The following SNX31 variants were observed in gnomAD, a reference collection of about 807,000 sequenced individuals.
SNX31 encodes sorting nexin 31.
A neutral mutation model predicts 65.4 loss-of-function variants in SNX31; 58 were observed. The observed-to-expected ratio is 0.89, with a 90% CI of 0.72 to 1.10. SNX31 has a LOEUF of 1.10. Ranked by LOEUF, SNX31 falls within the 50% of genes least tolerant of loss-of-function variation. The pLI, the probability that SNX31 is intolerant of heterozygous loss-of-function variation, is 0.00. For missense variants in SNX31, 523 were observed against 529.7 expected, an observed-to-expected ratio of 0.99 and a Z score of 0.12; for synonymous variants, 181 against 190.1, an observed-to-expected ratio of 0.95 and a Z score of 0.39.
intron 4 of SNX31, among the ~76,000 whole-genome samples, chr8:100,628,153 T>A (rs1357868477): frequency 1.3e-5 from 2 of 152,184 alleles, no homozygotes; most frequent in African/African-American, 4.8e-5. Context: ...GACTGTAAAC[T>A]AGTTCAACCA....
intron 7 of SNX31, among the ~76,000 whole-genome samples, chr8:100,611,147 G>A (rs959253799): frequency 6.6e-6 from 1 of 152,164 alleles, no homozygotes. Flanking sequence ...ACATCCTTTA[G>A]GCATGTGTAA....
chr8:100,637,503 T>G (rs1185936595), intron 2 of SNX31, among the ~76,000 whole-genome samples: 4 of 152,190 alleles, frequency 2.6e-5, no homozygotes, highest in African/African-American at 9.6e-5. Context: ...TTACCTTGCA[T>G]AGACAGGCCC....
chr8:100,584,034 G>T, intron 12 of SNX31, 77 bp downstream of exon 12: 2 of 1,320,518 alleles, frequency 1.5e-6, no homozygotes, highest in Non-Finnish European at 2.1e-6. Context: ...GGGAGCTCAT[G>T]AGTGTAGTTT....
At chr8:100,646,189 A>C (rs1819624726) in intron 2 of SNX31, among the ~76,000 whole-genome samples, 1 of 152,206 alleles carries the variant, frequency 6.6e-6, no homozygotes, top group Admixed American at 6.5e-5. Context: ...CATGCGCGGG[A>C]GTCTTACAAA....
At chr8:100,585,109 T>A (rs1813923082) in intron 11 of SNX31, among the ~76,000 whole-genome samples, 1 of 152,212 alleles carries the variant, frequency 6.6e-6, no homozygotes, top group African/African-American at 2.4e-5. Context: ...AAATCATCAT[T>A]AGTGCCAAGA....
At chr8:100,621,132 A>C (rs979908293) in intron 4 of SNX31, among the ~76,000 whole-genome samples, 10 of 152,150 alleles carry the variant, frequency 6.6e-5, no homozygotes, top group African/African-American at 2.4e-4. Context: ...CGACAGAGCA[A>C]GACTCCATCT....
rs1292347177 is a variant in SNX31, at chr8:100,649,557, C to A, written c.-43G>T. On this transcript the variant is annotated 5_prime_UTR_variant, in exon 1 of 14. Coordinates refer to ENST00000311812, the MANE Select transcript of SNX31 (RefSeq NM_152628.4). ...GGAGTAGCGCTGGGAACCCGACCTG[C>A]GGCGGCGGGCGGTGCGCGGCTCTGA... 4 of 1,531,426 alleles carry A rather than the reference C, an allele frequency of 2.6e-6. No homozygotes were observed. Among genetic ancestry groups the A allele is most frequent in the Non-Finnish European group, 2.7e-6 (3 of 1,131,768 alleles). The allele number at this position is 1,531,426 out of a possible 1,614,324, so 94.9% of individuals were successfully genotyped here. A position where few individuals can be genotyped will look rare whatever the true frequency, so the allele number is the denominator to read the frequency against.
chr8:100,581,319 C>CTATATATATATATATATATATATA (rs1261112864), intron 12 of SNX31, among the ~76,000 whole-genome samples: 5 of 123,072 alleles, frequency 4.1e-5, no homozygotes, highest in African/African-American at 2.0e-4. Flanking sequence ...TTTTATATAT[C>CTATATATATATATATATATATATA]TATATCTATC....
chr8:100,639,147 G>A (rs1818980614), intron 2 of SNX31, among the ~76,000 whole-genome samples: 3 of 152,200 alleles, frequency 2.0e-5, no homozygotes, highest in Non-Finnish European at 1.5e-5. Context: ...CTATGCATTA[G>A]TCAAAATTAC....
rs1813061916 is a variant in SNX31, at chr8:100,576,563, G to C, written c.1227+456C>G. Reference sequence around the variant, plus strand: ...GCTTAGAATACTGCCTGGCAATAATGAGTGCTCAAAAATGTCATTGATTGT... The same window carrying C: ...GCTTAGAATACTGCCTGGCAATAATCAGTGCTCAAAAATGTCATTGATTGT... On this transcript the variant is annotated intron_variant, in intron 13 of 13. Transcript: ENST00000311812. The surrounding 1 kb of genome is among the most constrained non-coding windows in gnomAD (Gnocchi z 4.8). 6.6e-6 allele frequency among the ~76,000 whole-genome samples: 1 copy of C among 152,168 alleles called. No homozygotes were observed. Among genetic ancestry groups the C allele is most frequent in the African/African-American group, 2.4e-5 (1 of 41,444 alleles).
At chr8:100,582,605 A>G (rs1351324646) in intron 12 of SNX31, 3 of 152,216 alleles carry the variant, frequency 2.0e-5, no homozygotes, top group African/African-American at 7.2e-5. Context: ...CTTAGAAAAA[A>G]GCTGGAAAGT....
At position 100,604,976 on chromosome 8, in the gene SNX31, G is replaced by A. The variant is rs1354225848; in HGVS notation, c.681+3518C>T. Reference sequence around the variant, plus strand: ...TACAGTGACATATTCTTGGCTCCCTGCAACCTCTGCCTCCTGGGTTCAAGA... The same window carrying A: ...TACAGTGACATATTCTTGGCTCCCTACAACCTCTGCCTCCTGGGTTCAAGA... On this transcript the variant is annotated intron_variant, in intron 8 of 13. Transcript: ENST00000311812. This position sits in a 1 kb window ranked among gnomAD's most constrained non-coding sequence, Gnocchi z 4.3. Among the ~76,000 whole-genome samples, 2 of 151,726 alleles carry A rather than the reference G, an allele frequency of 1.3e-5. No individual in the cohort carries two copies. Among genetic ancestry groups the A allele is most frequent in the Non-Finnish European group, 2.9e-5 (2 of 67,992 alleles).
chr8:100,644,251 G>T (rs1819473143), intron 2 of SNX31, among the ~76,000 whole-genome samples: 1 of 152,154 alleles, frequency 6.6e-6, no homozygotes, highest in African/African-American at 2.4e-5. Flanking sequence ...TTCCCAACTT[G>T]TCCCCATTGC....
At chr8:100,656,214 A>G (rs1284861565) in intron 1 of SNX31, among the ~76,000 whole-genome samples, 2 of 152,242 alleles carry the variant, frequency 1.3e-5, no homozygotes, top group East Asian at 3.8e-4. Context: ...GGATTTAAAA[A>G]TATTTAAGAA....
chr8:100,579,907 C>T (rs190719331), intron 12 of SNX31, among the ~76,000 whole-genome samples: 2 of 151,970 alleles, frequency 1.3e-5, no homozygotes, highest in Non-Finnish European at 2.9e-5. Context: ...CACCTGTAAT[C>T]TCAGCACTTC....
At chr8:100,615,581 G>T (rs1817098886) in intron 5 of SNX31, among the ~76,000 whole-genome samples, 1 of 152,166 alleles carries the variant, frequency 6.6e-6, no homozygotes, top group Non-Finnish European at 1.5e-5. Context: ...ACTGCGAAGT[G>T]AACTTACACA....
At chr8:100,574,201 A>T (rs147125270) in intron 13 of SNX31, among the ~76,000 whole-genome samples, 3 of 152,232 alleles carry the variant, frequency 2.0e-5, no homozygotes, top group African/African-American at 7.2e-5. Context: ...TGCATCTTTC[A>T]GGGCCCTGGG....
intron 9 of SNX31, 35 bp from the exon 10 acceptor site, chr8:100,596,877 G>A: frequency 6.3e-7 from 1 of 1,582,882 alleles, no homozygotes; most frequent in South Asian, 1.1e-5. Flanking sequence ...GGGAGGGGAG[G>A]CAAGAGGAAG....
At position 100,609,185 on chromosome 8, in the gene SNX31, G is replaced by A. The variant is rs1017484693; in HGVS notation, c.612-622C>T. ...ATCTCTCACCAACCCCACCACCAAC[G>A]CTACATTCCAACCATGTTTTCTCTC... On this transcript the variant is annotated intron_variant, in intron 7 of 13. Transcript: ENST00000311812. This position sits in a 1 kb window ranked among gnomAD's most constrained non-coding sequence, Gnocchi z 4.9. Among the ~76,000 whole-genome samples the A allele has an allele frequency of 6.6e-6, 1 of 152,006 alleles. No individual in the cohort carries two copies. Among genetic ancestry groups the A allele is most frequent in the Non-Finnish European group, 1.5e-5 (1 of 68,006 alleles).
Sources: gnomAD v4.1 joint callset for allele counts (sites outside exome capture counted in the v4.1 genomes callset) on GRCh38, gnomAD v4.1.1 for gene constraint, Gnocchi (gnomAD v3.1) non-coding constraint, MANE v1.5 for transcripts, NCBI Gene and HGNC (gene_info 2026-07-23, HGNC 2026-07-21) for gene names.